The following TRPA1 variants were observed in gnomAD, a reference collection of about 807,000 sequenced individuals.
TRPA1 encodes the protein transient receptor potential cation channel subfamily A member 1, also known as ankyrin-like with transmembrane domains 1.
Under a neutral mutation model 131.3 loss-of-function variants are expected in TRPA1, and 129 were observed. That is an observed-to-expected ratio of 0.98 (90% confidence interval 0.85 to 1.14). The LOEUF is 1.14. Among genes scored for constraint, TRPA1 ranks in the 50% most tolerant of loss-of-function variants. TRPA1 has a pLI of 0.00. For missense variants in TRPA1, 1,304 were observed against 1,354.2 expected (o/e 0.96, Z 0.58); for synonymous variants, 441 against 451.7 (o/e 0.98, Z 0.30).
intron 4 of TRPA1, among the ~76,000 whole-genome samples, chr8:72,063,865 G>T (rs1805867969): frequency 6.6e-6 from 1 of 152,078 alleles, no homozygotes; most frequent in Non-Finnish European, 1.5e-5. Context: ...TGAGATTTTT[G>T]AAGACATTAT....
At chr8:72,089,248 T>C in the TRPA1 span, among the ~76,000 whole-genome samples, 1 of 152,110 alleles carries the variant, frequency 6.6e-6, no homozygotes, top group Admixed American at 6.5e-5. Flanking sequence ...ATATAGTAGA[T>C]TTCTCTAAAT....
chr8:72,035,643 T>A lies in TRPA1; in HGVS notation c.2555+645A>T, dbSNP rs140184626. ...AGAGGCCCGGGAACTCAGGCTTTTT[T>A]CCCTGTCTAGAATTAGATTCTTTGG... On this transcript the variant is annotated intron_variant, in intron 21 of 26. Transcript: ENST00000262209. Among the ~76,000 whole-genome samples the A allele has an allele frequency of 2.1e-3, 318 of 152,302 alleles. 1 individual carries two copies. The highest frequency in any genetic ancestry group is 7.1e-3 in the African/African-American group (296 of 41,558).
intron 10 of TRPA1, chr8:72,056,061 A>G: frequency 1.6e-6 from 1 of 607,834 alleles, no homozygotes; most frequent in Non-Finnish European, 2.9e-6. Flanking sequence ...ACATTACCAT[A>G]TTAGTGTACA....
chr8:72,052,599 C>A lies in TRPA1; in HGVS notation c.1811G>T (p.Arg604Ile), dbSNP rs377764138. Reference sequence around the variant, plus strand: ...GACAGTGGACAGGAAGACAGTGTACCTTTTGCTCCTGATGATCGTAAGAAC... The same window carrying A: ...GACAGTGGACAGGAAGACAGTGTACATTTTGCTCCTGATGATCGTAAGAAC... ...EVVLTIIRSK[R>I]WDECLKIFSH... is the part of the protein sequence containing the mutation. Residue 604 changes from arginine (R) to isoleucine (I), a missense_variant and splice_region_variant, in exon 14 of 27, where the codon AGA becomes ATA. Arg to Ile is a moderately conservative substitution (Grantham distance 97). Coordinates refer to ENST00000262209, the MANE Select transcript of TRPA1 (RefSeq NM_007332.3). The A allele has an allele frequency of 3.7e-6, 6 of 1,613,272 alleles. No individual in the cohort carries two copies. Among genetic ancestry groups the A allele is most frequent in the African/African-American group, 1.3e-5 (1 of 74,832 alleles).
the TRPA1 span, among the ~76,000 whole-genome samples, chr8:72,086,987 G>C: frequency 1.3e-5 from 2 of 152,140 alleles, no homozygotes; most frequent in Non-Finnish European, 2.9e-5. Flanking sequence ...TTAAGTACCA[G>C]AGTCTCACTC....
chr8:72,035,613 C>A (rs1289714608), intron 21 of TRPA1, among the ~76,000 whole-genome samples: 1 of 152,142 alleles, frequency 6.6e-6, no homozygotes, highest in Non-Finnish European at 1.5e-5. Context: ...ACATTACCAA[C>A]TGTCAGAGGC....
chr8:72,081,420 G>A, the TRPA1 span, among the ~76,000 whole-genome samples: 5,838 of 151,624 alleles, frequency 0.039, 378 homozygotes, highest in African/African-American at 0.13. Flanking sequence ...TATGCCTAGC[G>A]TATGGTCTAT....
intron 16 of TRPA1, 42 bp downstream of exon 16, chr8:72,047,106 T>A (rs1805348669): frequency 7.0e-7 from 1 of 1,423,120 alleles, no homozygotes; most frequent in African/African-American, 1.4e-5. Flanking sequence ...CAAAGAATTA[T>A]AACAAAATAA....
In TRPA1 at chr8:72,051,972, G is replaced by A. The variant is rs142466656; in HGVS notation, c.1811+627C>T. 4.5e-3 allele frequency among the ~76,000 whole-genome samples: 692 copies of A among 152,236 alleles called. 3 individuals carry two copies. The highest frequency in any genetic ancestry group is 9.7e-3 in the Admixed American group (149 of 15,292). ...CCAAAAGAATTCATTTATAAATTTAGGTAGACATTTAGAAATAACTGAAGG... is the reference window on the plus strand; with the variant it reads ...CCAAAAGAATTCATTTATAAATTTAAGTAGACATTTAGAAATAACTGAAGG... On this transcript the variant is annotated intron_variant, in intron 14 of 26. Coordinates refer to ENST00000262209, the MANE Select transcript of TRPA1 (RefSeq NM_007332.3).
the TRPA1 span, among the ~76,000 whole-genome samples, chr8:72,085,509 ATATT>A: frequency 0.038 from 5,823 of 152,092 alleles, 376 homozygotes; most frequent in African/African-American, 0.13. Flanking sequence ...TATGAAATAT[ATATT>A]TATCTTCTTT....
Position 72,021,450 on chromosome 8 carries a change from C to T in TRPA1, c.*1456G>A, listed in dbSNP as rs1265876210. ...ATATTGCTTCTGTATAGTGATTTTC[C>T]ACCCTTTCTGTTTTAAGAAATATAA... On this transcript the variant is annotated 3_prime_UTR_variant, in exon 27 of 27. Transcript: ENST00000262209. 1.3e-5 allele frequency: 2 copies of T among 152,070 alleles called. No homozygotes were observed. Among genetic ancestry groups the T allele is most frequent in the Non-Finnish European group, 2.9e-5 (2 of 68,012 alleles). The allele number at this position is 152,070 out of a possible 1,614,324, so 9.4% of individuals were successfully genotyped here. A position where few individuals can be genotyped will look rare whatever the true frequency, so the allele number is the denominator to read the frequency against.
chr8:72,047,341 T>A (rs1234436026), intron 15 of TRPA1, 134 bp from the exon 16 acceptor site: 4 of 709,870 alleles, frequency 5.6e-6, no homozygotes, highest in Non-Finnish European at 1.0e-5. Flanking sequence ...AAGAATAAAT[T>A]ATAATCTATG....
intron 14 of TRPA1, among the ~76,000 whole-genome samples, chr8:72,052,378 C>T (rs1805530339): frequency 6.6e-6 from 1 of 152,190 alleles, no homozygotes; most frequent in Admixed American, 6.5e-5. Flanking sequence ...ACAGAGATCA[C>T]ACCACTGCAC....
chr8:72,025,245 G>A (rs1284971188), intron 25 of TRPA1, among the ~76,000 whole-genome samples: 1 of 151,950 alleles, frequency 6.6e-6, no homozygotes, highest in Non-Finnish European at 1.5e-5. Flanking sequence ...TGTATCATAG[G>A]GGCGGTTTCC....
At chr8:72,083,098 T>G in the TRPA1 span, among the ~76,000 whole-genome samples, 1 of 152,246 alleles carries the variant, frequency 6.6e-6, no homozygotes, top group African/African-American at 2.4e-5. Flanking sequence ...TTCATTTATA[T>G]TATTGTCTTT....
At chr8:72,031,653 C>T (rs1442887910) in intron 23 of TRPA1, among the ~76,000 whole-genome samples, 1 of 151,466 alleles carries the variant, frequency 6.6e-6, no homozygotes, top group Non-Finnish European at 1.5e-5. Flanking sequence ...CCAAAACTAA[C>T]CATTTCATAC....
intron 17 of TRPA1, among the ~76,000 whole-genome samples, chr8:72,041,872 T>C (rs1347771606): frequency 1.3e-5 from 2 of 151,422 alleles, no homozygotes; most frequent in East Asian, 1.9e-4. Context: ...AGAGCAGAGA[T>C]AAATGTAATA....
chr8:72,081,182 T>G, the TRPA1 span, among the ~76,000 whole-genome samples: 1 of 151,886 alleles, frequency 6.6e-6, no homozygotes, highest in Non-Finnish European at 1.5e-5. Flanking sequence ...TTACTCAACT[T>G]TACAGTAGCT....
intron 24 of TRPA1, chr8:72,029,613 A>G: frequency 1.9e-6 from 1 of 512,906 alleles, no homozygotes; most frequent in Non-Finnish European, 3.6e-6. Context: ...GATGTGTGAA[A>G]GTGATGCATA....
Sources: allele counts gnomAD v4.1 joint callset (sites outside exome capture counted in the v4.1 genomes callset), GRCh38; gene constraint gnomAD v4.1.1; transcripts MANE v1.5; gene names NCBI Gene and HGNC (gene_info 2026-07-23, HGNC 2026-07-21).